The following CORO7 variants were observed in gnomAD, a reference collection of about 807,000 sequenced individuals.
The protein encoded by CORO7 is coronin 7.
Under a neutral mutation model 126.6 loss-of-function variants are expected in CORO7, and 107 were observed. The observed-to-expected ratio is 0.85, with a 90% CI of 0.72 to 0.99. CORO7 has a LOEUF of 0.99. Ranked by LOEUF, CORO7 falls within the 50% of genes least tolerant of loss-of-function variation. CORO7 has a pLI of 0.00. For missense variants in CORO7, 1,314 were observed against 1,255.8 expected (o/e 1.05, Z -0.70); for synonymous variants, 603 against 536.8 (o/e 1.12, Z -1.70).
chr16:4,395,379 C>T (rs1480642821), intron 6 of CORO7, 40 bp from the exon 7 acceptor site: 1 of 1,613,242 alleles, frequency 6.2e-7, no homozygotes, highest in Non-Finnish European at 8.5e-7. Context: ...GCGATTAGGG[C>T]TGGAGGGTCC....
rs1243503364 is a variant in CORO7, at chr16:4,407,643, G to A, written c.345C>T (p.Pro115=). The A allele has an allele frequency of 2.5e-6, 4 of 1,608,806 alleles. No individual in the cohort carries two copies. The highest frequency in any genetic ancestry group is 3.4e-6 in the Non-Finnish European group (4 of 1,178,342). ...GGCCCAGCACCACCCCGGGTGCTGA[G>A]GGCAGGGCCTGGCCAGGCCCTGGCA... ...WRLPGPGQAL[P]SAPGVVLGPE... The change falls in exon 5 of 28, where the codon CCC becomes CCT. Residue 115 remains proline, a synonymous_variant. Transcript: ENST00000251166.
rs1555470888 is a variant in CORO7, at chr16:4,365,015, C to T, written c.886G>A (p.Ala296Thr). 2 of 1,605,964 alleles carry T rather than the reference C, an allele frequency of 1.2e-6. No individual in the cohort carries two copies. Among genetic ancestry groups the T allele is most frequent in the South Asian group, 2.2e-5 (2 of 89,808 alleles). Residue 296 changes from alanine to threonine, a missense_variant, in exon 11 of 28, where the codon GCG becomes ACG. Coordinates refer to ENST00000251166, the MANE Select transcript of CORO7 (RefSeq NM_024535.5). Reference sequence around the variant, plus strand: ...AAGCAAGGCTTACCTGGGCTCAGCGCCGGCTGCTGCGGGACCACCTCGTAA... The same window carrying T: ...AAGCAAGGCTTACCTGGGCTCAGCGTCGGCTGCTGCGGGACCACCTCGTAA... The part of the protein sequence containing the change: ...YCYEVVPQQP[A>T]LSPVTQCVLE...
At chr16:4,396,612 G>C (rs2055602563) in intron 6 of CORO7, among the ~76,000 whole-genome samples, 1 of 152,148 alleles carries the variant, frequency 6.6e-6, no homozygotes, top group South Asian at 2.1e-4. Flanking sequence ...GAAGATGGGG[G>C]CTGGTTAACT....
chr16:4,382,819 G>A (rs781232031), intron 9 of CORO7: 12 of 1,596,886 alleles, frequency 7.5e-6, no homozygotes, highest in East Asian at 2.3e-5. Flanking sequence ...CCTGCCCAGC[G>A]GGTCTGAGTG....
At chr16:4,376,464 G>T (rs918542588) in intron 9 of CORO7, among the ~76,000 whole-genome samples, 1 of 152,182 alleles carries the variant, frequency 6.6e-6, no homozygotes, top group African/African-American at 2.4e-5. Flanking sequence ...GAAGCATACG[G>T]CACAGGAGGG....
intron 5 of CORO7, among the ~76,000 whole-genome samples, chr16:4,406,265 G>T (rs1033763833): frequency 3.3e-5 from 5 of 152,158 alleles, no homozygotes; most frequent in Admixed American, 3.3e-4. Flanking sequence ...CTCCCAAAGT[G>T]CTGGGATCAC....
chr16:4,361,013 T>A lies in CORO7; in HGVS notation c.1847A>T (p.Asp616Val). The change falls in exon 19 of 28, where the codon GAC (aspartate) becomes GTC (valine). Residue 616 changes from aspartate (D) to valine (V), a missense_variant. Coordinates refer to ENST00000251166, the MANE Select transcript of CORO7 (RefSeq NM_024535.5). ...AANVLASSSY[D>V]LTVRIWDLQA... ...AAGGTCCCAGATGCGAACAGTGAGGTCATAGGAGGACGAGGCCAGCACATT... is the reference window on the plus strand; with the variant it reads ...AAGGTCCCAGATGCGAACAGTGAGGACATAGGAGGACGAGGCCAGCACATT... 6.2e-7 allele frequency: 1 copy of A among 1,613,120 alleles called. No individual in the cohort carries two copies. Among genetic ancestry groups the A allele is most frequent in the Non-Finnish European group, 8.5e-7 (1 of 1,179,974 alleles).
chr16:4,370,820 C>CT (rs1052871658), intron 9 of CORO7, among the ~76,000 whole-genome samples: 2 of 152,110 alleles, frequency 1.3e-5, no homozygotes, highest in East Asian at 1.9e-4. Context: ...CTTCAGGCCC[C>CT]CCAAAGACTA....
chr16:4,364,127 A>G (rs1446987787), intron 14 of CORO7, 149 bp downstream of exon 14: 4 of 1,116,756 alleles, frequency 3.6e-6, no homozygotes, highest in Middle Eastern at 3.0e-4. Context: ...AGGAGGTTGC[A>G]GTGAGCCGAG....
intron 1 of CORO7, 54 bp downstream of exon 1, chr16:4,416,405 G>A: frequency 6.7e-7 from 1 of 1,503,432 alleles, no homozygotes; most frequent in Non-Finnish European, 8.8e-7. Flanking sequence ...GCAGGGGGAG[G>A]GGCAGCCGGA....
In CORO7 at chr16:4,387,997, G is replaced by T; in HGVS notation, c.774C>A (p.Asp258Glu). 6.2e-7 allele frequency: 1 copy of T among 1,613,116 alleles called. No individual in the cohort carries two copies. The highest frequency in any genetic ancestry group is 8.5e-7 in the Non-Finnish European group (1 of 1,179,906). The change falls in exon 9 of 28, where the codon GAC becomes GAA. Residue 258 changes from aspartate (D) to glutamate (E), a missense_variant. Coordinates refer to ENST00000251166, the MANE Select transcript of CORO7 (RefSeq NM_024535.5). ...FSSALASLTL[D>E]TSLGCLVPLL... ...GCCGCAGCTCCTACCCAAGCGAGGT[G>T]TCCAAGGTGAGGGAGGCCAGGGCGC... is the stretch of plus-strand genomic sequence containing the variant.
intron 7 of CORO7, among the ~76,000 whole-genome samples, chr16:4,395,076 C>T (rs958153921): frequency 6.6e-6 from 1 of 152,202 alleles, no homozygotes; most frequent in Non-Finnish European, 1.5e-5. Flanking sequence ...TAGCTTCTGC[C>T]ACCCGGTGAT....
chr16:4,381,865 T>C (rs2054988118), intron 9 of CORO7: 2 of 1,603,422 alleles, frequency 1.2e-6, no homozygotes, highest in Non-Finnish European at 1.7e-6. Context: ...GCGCTGCCAC[T>C]TCCCGCCCAA....
intron 6 of CORO7, among the ~76,000 whole-genome samples, chr16:4,398,464 G>C (rs1161641606): frequency 1.3e-5 from 2 of 151,986 alleles, no homozygotes; most frequent in Admixed American, 1.3e-4. Context: ...TAAGGAGCTC[G>C]AGACGAGCCT....
chr16:4,407,456 C>T (rs1178348243), intron 5 of CORO7, 45 bp downstream of exon 5: 3 of 1,548,122 alleles, frequency 1.9e-6, no homozygotes, highest in Non-Finnish European at 2.6e-6. Flanking sequence ...GAGTGCTGTC[C>T]AGAGTGGGGC....
intron 7 of CORO7, among the ~76,000 whole-genome samples, chr16:4,389,835 G>A (rs1400289146): frequency 6.6e-6 from 1 of 152,200 alleles, no homozygotes; most frequent in Non-Finnish European, 1.5e-5. Flanking sequence ...CGTGTGTGCA[G>A]CCCACCAGGT....
intron 10 of CORO7, 129 bp downstream of exon 10, chr16:4,365,362 G>T: frequency 2.2e-6 from 3 of 1,368,598 alleles, no homozygotes; most frequent in Non-Finnish European, 3.0e-6. Flanking sequence ...TTCTAGGAGA[G>T]CTACAGTCAC....
At chr16:4,388,490 G>A (rs2055273502) in intron 8 of CORO7, 55 bp downstream of exon 8, 2 of 1,575,292 alleles carry the variant, frequency 1.3e-6, no homozygotes, top group East Asian at 2.3e-5. Context: ...CCGCCCAAAG[G>A]GCTGGACATG....
chr16:4,369,913 G>A (rs971705204), intron 9 of CORO7, among the ~76,000 whole-genome samples: 4 of 152,116 alleles, frequency 2.6e-5, no homozygotes, highest in Non-Finnish European at 2.9e-5. Context: ...AAAGGCGGGT[G>A]GCACCTTGAA....
Sources: allele counts gnomAD v4.1 joint callset (sites outside exome capture counted in the v4.1 genomes callset), GRCh38; gene constraint gnomAD v4.1.1; transcripts MANE v1.5; gene names NCBI Gene and HGNC (gene_info 2026-07-23, HGNC 2026-07-21).